Variants in FRMD5 observed in about 807,000 individuals in gnomAD.
The protein encoded by FRMD5 is FERM domain containing 5.
Under a neutral mutation model 69.0 loss-of-function variants are expected in FRMD5, and 20 were observed. The ratio of observed to expected loss-of-function variants is 0.29; its 90% CI spans 0.20 to 0.42. The LOEUF (loss-of-function observed/expected upper bound fraction) is 0.42, where lower values mean the gene tolerates loss of function less well. FRMD5 is among the 10% of genes least tolerant of loss of function. The pLI, the probability that FRMD5 is intolerant of heterozygous loss-of-function variation, is 1.00. For missense variants in FRMD5, 595 were observed against 708.6 expected, an observed-to-expected ratio of 0.84 and a Z score of 1.82; for synonymous variants, 271 against 260.1, an observed-to-expected ratio of 1.04 and a Z score of -0.40.
In FRMD5 at chr15:44,040,992, C is replaced by CAAAAAAA. The variant is rs71421819; in HGVS notation, c.103-116690_103-116684dup. On this transcript the variant is annotated intron_variant, in intron 1 of 13. Transcript: ENST00000417257. ...GAATATTTACCAAGGAAATGGAAAG[C>CAAAAAAA]AAAAAAAAAAAAAAAAAAAAAAAAA... 5.1e-4 allele frequency among the ~76,000 whole-genome samples: 9 copies of CAAAAAAA among 17,494 alleles called. 1 individual carries two copies. Among genetic ancestry groups the CAAAAAAA allele is most frequent in the African/African-American group, 1.2e-3 (7 of 6,004 alleles). The allele number at this position is 17,494 out of a possible 152,430, so 11.5% of individuals were successfully genotyped here. A position where few individuals can be genotyped will look rare whatever the true frequency, so the allele number is the denominator to read the frequency against.
intron 1 of FRMD5, among the ~76,000 whole-genome samples, chr15:44,139,179 C>G (rs1434715639): frequency 6.6e-6 from 1 of 151,946 alleles, no homozygotes; most frequent in Non-Finnish European, 1.5e-5. Flanking sequence ...AGGGGATGTT[C>G]AAATACACTA....
chr15:43,923,567 C>T (rs1490062214), intron 2 of FRMD5, among the ~76,000 whole-genome samples: 1 of 152,182 alleles, frequency 6.6e-6, no homozygotes, highest in African/African-American at 2.4e-5. Context: ...TATGATGTAT[C>T]TGGAGGGCAA....
intron 1 of FRMD5, among the ~76,000 whole-genome samples, chr15:43,944,835 C>T (rs1027551582): frequency 1.3e-5 from 2 of 152,198 alleles, no homozygotes; most frequent in African/African-American, 4.8e-5. Context: ...TTTGGGGCTT[C>T]CCATTTGCCT....
intron 1 of FRMD5, among the ~76,000 whole-genome samples, chr15:44,059,016 C>A (rs1266060075): frequency 6.6e-6 from 1 of 152,038 alleles, no homozygotes; most frequent in Non-Finnish European, 1.5e-5. Flanking sequence ...TCTTTGAGGA[C>A]AAATAACAGG....
chr15:44,001,578 G>C (rs1890213552), intron 1 of FRMD5, among the ~76,000 whole-genome samples: 1 of 149,336 alleles, frequency 6.7e-6, no homozygotes, highest in African/African-American at 2.5e-5. Flanking sequence ...GTTTATTTTT[G>C]TGTATGGCAT....
chr15:44,077,050 G>A (rs188587466), intron 1 of FRMD5, among the ~76,000 whole-genome samples: 1 of 152,060 alleles, frequency 6.6e-6, no homozygotes, highest in East Asian at 1.9e-4. Flanking sequence ...CAACACTCTC[G>A]CCTTGATACT....
At chr15:43,914,873 G>A (rs1287552062) in intron 4 of FRMD5, among the ~76,000 whole-genome samples, 1 of 151,788 alleles carries the variant, frequency 6.6e-6, no homozygotes, top group Non-Finnish European at 1.5e-5. Context: ...TTACAGGCAC[G>A]TGCCACCACG....
At chr15:44,017,118 C>A (rs1357177142) in intron 1 of FRMD5, among the ~76,000 whole-genome samples, 1 of 151,906 alleles carries the variant, frequency 6.6e-6, no homozygotes, top group Non-Finnish European at 1.5e-5. Context: ...GCAGGCAGAT[C>A]ACGAGGTCAG....
chr15:44,027,952 A>C (rs1891511186), intron 1 of FRMD5, among the ~76,000 whole-genome samples: 1 of 152,056 alleles, frequency 6.6e-6, no homozygotes, highest in African/African-American at 2.4e-5. Context: ...CCCTGTGCTG[A>C]CTTTCAAAAC....
At position 43,958,730 on chromosome 15, in the gene FRMD5, G is replaced by A. The variant is rs138292636; in HGVS notation, c.103-34421C>T. 5.1e-4 allele frequency among the ~76,000 whole-genome samples: 78 copies of A among 152,308 alleles called. 1 individual carries two copies. Among genetic ancestry groups the A allele is most frequent in the Non-Finnish European group, 9.6e-4 (65 of 68,036 alleles). On this transcript the variant is annotated intron_variant, in intron 1 of 13. Coordinates refer to ENST00000417257, the MANE Select transcript of FRMD5 (RefSeq NM_032892.5). Reference sequence around the variant, plus strand: ...CTCAAAGTTCTGGGGTTACAGGCGTGAGCCACCCTGCCCAGCTGGTAAATG... The same window carrying A: ...CTCAAAGTTCTGGGGTTACAGGCGTAAGCCACCCTGCCCAGCTGGTAAATG...
chr15:44,021,463 G>A (rs1042781079), intron 1 of FRMD5, among the ~76,000 whole-genome samples: 2 of 151,872 alleles, frequency 1.3e-5, no homozygotes, highest in African/African-American at 4.8e-5. Context: ...AACCCAAAAG[G>A]CCAAACAATT....
At chr15:44,141,034 A>T (rs1479491353) in intron 1 of FRMD5, among the ~76,000 whole-genome samples, 1 of 152,138 alleles carries the variant, frequency 6.6e-6, no homozygotes, top group East Asian at 1.9e-4. Context: ...TTTTTTAAAA[A>T]AAACCAATTA....
intron 1 of FRMD5, among the ~76,000 whole-genome samples, chr15:43,935,407 C>T (rs1400156149): frequency 6.6e-6 from 1 of 152,154 alleles, no homozygotes; most frequent in Non-Finnish European, 1.5e-5. Flanking sequence ...CTGCTTGAAC[C>T]CGAGAGGCAG....
intron 1 of FRMD5, among the ~76,000 whole-genome samples, chr15:43,940,655 G>A (rs2089846332): frequency 6.6e-6 from 1 of 152,306 alleles, no homozygotes; most frequent in Middle Eastern, 3.4e-3. Context: ...AACTAGTCGG[G>A]AAATCACTGT....
At chr15:43,963,500 A>C (rs1048115203) in intron 1 of FRMD5, among the ~76,000 whole-genome samples, 1 of 152,162 alleles carries the variant, frequency 6.6e-6, no homozygotes, top group Non-Finnish European at 1.5e-5. Context: ...ACAGTGTGGC[A>C]ATTCCTCAGG....
intron 1 of FRMD5, among the ~76,000 whole-genome samples, chr15:44,121,993 A>C (rs1442996741): frequency 1.3e-5 from 2 of 150,910 alleles, no homozygotes; most frequent in African/African-American, 2.4e-5. Flanking sequence ...AGACTCAAAA[A>C]AAAAAAAAAA....
intron 1 of FRMD5, among the ~76,000 whole-genome samples, chr15:44,033,870 G>T (rs976471236): frequency 1.3e-5 from 2 of 152,126 alleles, no homozygotes; most frequent in African/African-American, 2.4e-5. Context: ...AATTAAATAA[G>T]ATCATTTATG....
chr15:44,045,465 G>C (rs1271897242), intron 1 of FRMD5, among the ~76,000 whole-genome samples: 1 of 151,994 alleles, frequency 6.6e-6, no homozygotes, highest in Non-Finnish European at 1.5e-5. Context: ...CCAAAAGGCT[G>C]ATCAACCCAC....
chr15:43,997,529 TAGAACCTAG>T (rs1889990206), intron 1 of FRMD5, among the ~76,000 whole-genome samples: 1 of 152,224 alleles, frequency 6.6e-6, no homozygotes, highest in African/African-American at 2.4e-5. Context: ...GAATTGCTGA[TAGAACCTAG>T]TCTGTCTCCA....
Sources: allele counts gnomAD v4.1 joint callset (sites outside exome capture counted in the v4.1 genomes callset), GRCh38; gene constraint gnomAD v4.1.1; transcripts MANE v1.5; gene names NCBI Gene and HGNC (gene_info 2026-07-23, HGNC 2026-07-21).